Variants in POLR3B observed in about 807,000 individuals in gnomAD.
POLR3B encodes DNA-directed RNA polymerase III subunit RPC2.
In POLR3B, 96 loss-of-function variants were observed where a neutral mutation model predicts 147.4. The observed-to-expected ratio is 0.65, with a 90% CI of 0.55 to 0.77. The LOEUF is 0.77. Ranked by LOEUF, POLR3B falls within the 30% of genes least tolerant of loss-of-function variation. The pLI is 0.00. For missense variants in POLR3B, 1,036 were observed against 1,413.5 expected, an observed-to-expected ratio of 0.73 and a Z score of 4.28; for synonymous variants, 461 against 485.9, an observed-to-expected ratio of 0.95 and a Z score of 0.67.
chr12:106,380,282 A>T, intron 9 of POLR3B, 143 bp downstream of exon 9: 1 of 653,534 alleles, frequency 1.5e-6, no homozygotes, highest in Non-Finnish European at 2.8e-6. Flanking sequence ...TGTATTTTAA[A>T]TTGAAAGCTG....
At chr12:106,454,013 ATTCTTT>A (rs1362603713) in intron 19 of POLR3B, among the ~76,000 whole-genome samples, 1 of 152,146 alleles carries the variant, frequency 6.6e-6, no homozygotes, top group African/African-American at 2.4e-5. Context: ...CTCTTTGTTC[ATTCTTT>A]TTCTTCCCTT....
intron 4 of POLR3B, among the ~76,000 whole-genome samples, chr12:106,368,055 A>G (rs945245450): frequency 2.6e-5 from 4 of 152,122 alleles, no homozygotes; most frequent in African/African-American, 9.7e-5. Context: ...TATGAGTACT[A>G]TCATATATAT....
chr12:106,447,176 T>C (rs912158767), intron 19 of POLR3B, among the ~76,000 whole-genome samples: 8 of 152,212 alleles, frequency 5.3e-5, no homozygotes, highest in Admixed American at 2.0e-4. Flanking sequence ...ACGTGCAAGA[T>C]AGTAGCTCAG....
chr12:106,431,016 T>A (rs11112990), intron 14 of POLR3B, among the ~76,000 whole-genome samples: 37,060 of 152,154 alleles, frequency 0.24, 5,226 homozygotes, highest in African/African-American at 0.39. Flanking sequence ...TTCTCCTTTG[T>A]GTTAACATTG....
rs140678013 is a variant in POLR3B, at chr12:106,363,847, ATTC to A, written c.73-17_73-15del. The A allele has an allele frequency of 2.9e-3, 4,558 of 1,594,216 alleles. 111 individuals carry two copies. In the African/African-American group the frequency reaches 0.054, roughly 19 times the overall value. On this transcript the variant is annotated intron_variant, in intron 1 of 27. Transcript: ENST00000228347. ...ACTGTTGCTGGTACAGAGTTCTGAT[ATTC>A]TTCTTGTTTTGGCTCACAGGAAAAA...
chr12:106,440,816 T>C (rs2037640650), intron 18 of POLR3B, among the ~76,000 whole-genome samples: 1 of 152,086 alleles, frequency 6.6e-6, no homozygotes, highest in Non-Finnish European at 1.5e-5. Context: ...CTTCCCTCAC[T>C]TAGAAGCTTC....
Position 106,357,863 on chromosome 12 carries a change from C to T in POLR3B, c.-17C>T, listed in dbSNP as rs1415760677. The T allele has an allele frequency of 6.2e-7, 1 of 1,612,426 alleles. No homozygotes were observed. Among genetic ancestry groups the T allele is most frequent in the Non-Finnish European group, 8.5e-7 (1 of 1,179,482 alleles). ...GGCGCGGAGGTTCTATCTGTTTCTTCCTCCTTCGTGAGCAGCATGGACGTG... is the reference window on the plus strand; with the variant it reads ...GGCGCGGAGGTTCTATCTGTTTCTTTCTCCTTCGTGAGCAGCATGGACGTG... On this transcript the variant is annotated 5_prime_UTR_variant, in exon 1 of 28. Coordinates refer to ENST00000228347, the MANE Select transcript of POLR3B (RefSeq NM_018082.6).
chr12:106,385,015 G>A (rs978515998), intron 9 of POLR3B, among the ~76,000 whole-genome samples: 16 of 152,056 alleles, frequency 1.1e-4, no homozygotes, highest in Non-Finnish European at 2.4e-4. Flanking sequence ...TGGTAGAGAT[G>A]GGGTTTCACC....
At chr12:106,508,760 A>G (rs901724106) in intron 27 of POLR3B, among the ~76,000 whole-genome samples, 6 of 152,252 alleles carry the variant, frequency 3.9e-5, no homozygotes, top group African/African-American at 1.4e-4. Flanking sequence ...GCACATGCAC[A>G]CATACACACA....
chr12:106,454,027 C>G (rs547571786), intron 19 of POLR3B, among the ~76,000 whole-genome samples: 2 of 152,246 alleles, frequency 1.3e-5, no homozygotes, highest in South Asian at 4.1e-4. Context: ...TTTTTCTTCC[C>G]TTCTCTCCTG....
At chr12:106,376,228 C>T in intron 6 of POLR3B, 131 bp from the exon 7 acceptor site, 1 of 701,446 alleles carries the variant, frequency 1.4e-6, no homozygotes, top group East Asian at 2.7e-5. Context: ...ATTGCTATTT[C>T]TCTGCCTTTT....
chr12:106,401,253 A>T (rs1314334267), intron 10 of POLR3B, among the ~76,000 whole-genome samples: 1 of 152,240 alleles, frequency 6.6e-6, no homozygotes, highest in Non-Finnish European at 1.5e-5. Context: ...CGATACATAC[A>T]TCCTCCCAAG....
rs2036418514 is a variant in POLR3B at position 106,358,301 on chromosome 12, G to A, written c.72+350G>A. On this transcript the variant is annotated intron_variant, in intron 1 of 27. Transcript: ENST00000228347. ...TTTGCAGTCTTACAGAGGACACGGGGCCAGGGAGCTCAGGCCATTTGCATG... is the reference window on the plus strand; with the variant it reads ...TTTGCAGTCTTACAGAGGACACGGGACCAGGGAGCTCAGGCCATTTGCATG... 4.1e-6 allele frequency: 5 copies of A among 1,209,760 alleles called. 1 individual carries two copies. In the East Asian group the frequency reaches 2.3e-4, roughly 56 times the overall value. 74.9% of individuals were successfully genotyped at this position (1,209,760 alleles called of 1,614,324 possible).
intron 12 of POLR3B, among the ~76,000 whole-genome samples, chr12:106,411,909 T>C (rs917557613): frequency 1.3e-5 from 2 of 152,010 alleles, no homozygotes; most frequent in East Asian, 3.8e-4. Flanking sequence ...GTTTTAGAAA[T>C]TTCATTTAGG....
chr12:106,495,207 A>G (rs2038461295), intron 23 of POLR3B, among the ~76,000 whole-genome samples: 1 of 152,240 alleles, frequency 6.6e-6, no homozygotes, highest in African/African-American at 2.4e-5. Flanking sequence ...CAGAGGAATG[A>G]AAAACTATTT....
chr12:106,387,746 T>TA (rs1201879146), intron 9 of POLR3B, among the ~76,000 whole-genome samples: 3 of 152,194 alleles, frequency 2.0e-5, no homozygotes, highest in Admixed American at 6.5e-5. Flanking sequence ...CATCTGCACT[T>TA]ATTAGTTATG....
intron 7 of POLR3B, among the ~76,000 whole-genome samples, chr12:106,377,084 C>T (rs1333647557): frequency 2.6e-5 from 4 of 151,904 alleles, no homozygotes. Flanking sequence ...ACTGGCCTTG[C>T]CTGGTTGAAA....
chr12:106,457,347 T>A, intron 21 of POLR3B, 51 bp downstream of exon 21: 1 of 1,428,182 alleles, frequency 7.0e-7, no homozygotes, highest in Non-Finnish European at 9.9e-7. Flanking sequence ...CATCATATGT[T>A]ATTCAATAAT....
chr12:106,448,427 CTTTTTTTTTTTTT>C (rs869133588), intron 19 of POLR3B, among the ~76,000 whole-genome samples: 32 of 50,616 alleles, frequency 6.3e-4, no homozygotes, highest in Admixed American at 4.1e-3. Context: ...TACGTTATTT[CTTTTTTTTTTTTT>C]TTTTTTTTTT....
Sources: allele counts gnomAD v4.1 joint callset (sites outside exome capture counted in the v4.1 genomes callset), GRCh38; gene constraint gnomAD v4.1.1; transcripts MANE v1.5; gene names NCBI Gene and HGNC (gene_info 2026-07-23, HGNC 2026-07-21).